Variants in JMY observed in about 807,000 individuals in gnomAD.
JMY encodes junction-mediating and -regulatory protein.
Under a neutral mutation model 103.3 loss-of-function variants are expected in JMY, and 46 were observed. That is an observed-to-expected ratio of 0.45 (90% CI 0.35 to 0.57). JMY has a LOEUF of 0.57. Among genes scored for constraint, JMY ranks in the 20% least tolerant of loss-of-function variants. The pLI, the probability that JMY is intolerant of heterozygous loss-of-function variation, is 0.00. For synonymous variants in JMY, 526 were observed against 489.3 expected, an observed-to-expected ratio of 1.07 and a Z score of -0.99; for missense variants, 1,238 against 1,255.2, an observed-to-expected ratio of 0.99 and a Z score of 0.21.
At chr5:79,287,007 C>T (rs572372403) in intron 2 of JMY, among the ~76,000 whole-genome samples, 2 of 152,048 alleles carry the variant, frequency 1.3e-5, no homozygotes, top group Non-Finnish European at 2.9e-5. Flanking sequence ...AGAGGAGGAA[C>T]CCCGTGGAGC....
At chr5:79,313,420 AAAAC>A (rs984728849) in intron 8 of JMY, among the ~76,000 whole-genome samples, 2 of 152,150 alleles carry the variant, frequency 1.3e-5, no homozygotes, top group South Asian at 2.1e-4. Flanking sequence ...CCCTGTCTCA[AAAAC>A]AAACAAACAA....
intron 10 of JMY, among the ~76,000 whole-genome samples, chr5:79,320,069 T>C (rs918408814): frequency 6.6e-6 from 1 of 152,138 alleles, no homozygotes; most frequent in African/African-American, 2.4e-5. Flanking sequence ...TGTAATTACA[T>C]AGAGGTTTAA....
chr5:79,292,843 A>C (rs778887432), intron 4 of JMY, among the ~76,000 whole-genome samples: 2 of 152,134 alleles, frequency 1.3e-5, no homozygotes, highest in Non-Finnish European at 2.9e-5. Flanking sequence ...CCATTAATGT[A>C]ATAGTCTGGA....
chr5:79,323,263 T>TTTA lies in JMY; in HGVS notation c.*1664_*1666dup, dbSNP rs1747522665. The TTTA allele has an allele frequency of 6.6e-6, 1 of 152,216 alleles. No homozygotes were observed. Among genetic ancestry groups the TTTA allele is most frequent in the Non-Finnish European group, 1.5e-5 (1 of 68,032 alleles). 9.4% of individuals were successfully genotyped at this position (152,216 alleles called of 1,614,324 possible). ...CTCTGTGCCCAGCCTGACAAAATCTTTTATTTATTTAAATGTTAGTAATAC... is the reference window on the plus strand; with the variant it reads ...CTCTGTGCCCAGCCTGACAAAATCTTTTATTATTTATTTAAATGTTAGTAATAC... On this transcript the variant is annotated 3_prime_UTR_variant, in exon 11 of 11. Coordinates refer to ENST00000396137, the MANE Select transcript of JMY (RefSeq NM_152405.5).
chr5:79,267,768 GCTTATCC>G (rs1347571806), intron 1 of JMY, among the ~76,000 whole-genome samples: 1 of 152,142 alleles, frequency 6.6e-6, no homozygotes, highest in Non-Finnish European at 1.5e-5. Context: ...ACTACAATTT[GCTTATCC>G]ATTCACCTGT....
At chr5:79,258,807 C>A (rs1200231982) in intron 1 of JMY, among the ~76,000 whole-genome samples, 1 of 152,144 alleles carries the variant, frequency 6.6e-6, no homozygotes, top group Non-Finnish European at 1.5e-5. Context: ...GGTCTGGGCT[C>A]CCCAGAGGGC....
chr5:79,314,477 C>T lies in JMY; in HGVS notation c.2285C>T (p.Ser762Leu), dbSNP rs2112119852. 1 of 1,614,172 alleles carries T rather than the reference C, an allele frequency of 6.2e-7. No homozygotes were observed. The highest frequency in any genetic ancestry group is 2.2e-5 in the East Asian group (1 of 44,888). Residue 762 changes from serine (S) to leucine (L), a missense_variant, in exon 9 of 11, where the codon TCA becomes TTA. By Grantham distance (145) the Ser-to-Leu change is moderately radical. Coordinates refer to ENST00000396137, the MANE Select transcript of JMY (RefSeq NM_152405.5). ...PQSLVQLEDTSLTQLEATSLP... is the reference protein window; with the variant it reads ...PQSLVQLEDTLLTQLEATSLP... ...AGCCTTGTGCAACTTGAAGATACTT[C>T]ATTAACACAACTTGAAGCCACCTCA...
intron 9 of JMY, among the ~76,000 whole-genome samples, chr5:79,315,656 C>T (rs1259727738): frequency 6.6e-6 from 1 of 152,166 alleles, no homozygotes; most frequent in Non-Finnish European, 1.5e-5. Flanking sequence ...CCCCATCACT[C>T]TGAATTTGGG....
In JMY at chr5:79,307,031, C is replaced by G. The variant is rs183016729; in HGVS notation, c.1968+570C>G. Among the ~76,000 whole-genome samples, 261 of 152,294 alleles carry G rather than the reference C, an allele frequency of 1.7e-3. 1 individual carries two copies. Among genetic ancestry groups the G allele is most frequent in the African/African-American group, 3.0e-3 (125 of 41,552 alleles). The stretch of plus-strand genomic sequence containing the variant: ...ACAGTATGTAACCTATTCAGTTGGC[C>G]TCTTTAACATAGTAACGTGCATTTA... On this transcript the variant is annotated intron_variant, in intron 7 of 10. Transcript: ENST00000396137.
chr5:79,268,548 C>T (rs370410579), intron 1 of JMY, among the ~76,000 whole-genome samples: 5 of 152,018 alleles, frequency 3.3e-5, no homozygotes, highest in South Asian at 2.1e-4. Flanking sequence ...AGTGTGATGG[C>T]GTGATCTCGG....
chr5:79,273,885 C>T (rs1439080041), intron 1 of JMY, among the ~76,000 whole-genome samples: 1 of 152,072 alleles, frequency 6.6e-6, no homozygotes, highest in African/African-American at 2.4e-5. Flanking sequence ...TCCTGGAGTG[C>T]AATGGCGCTA....
At chr5:79,318,878 G>C (rs934582130) in intron 10 of JMY, among the ~76,000 whole-genome samples, 7 of 151,870 alleles carry the variant, frequency 4.6e-5, no homozygotes, top group Non-Finnish European at 8.8e-5. Context: ...GTGGATATTT[G>C]TAGGTTGTCT....
intron 1 of JMY, among the ~76,000 whole-genome samples, chr5:79,243,070 G>A (rs1580324400): frequency 6.6e-6 from 1 of 152,192 alleles, no homozygotes; most frequent in East Asian, 1.9e-4. Flanking sequence ...TTATGTTAGA[G>A]AAGAGTGCCC....
intron 4 of JMY, among the ~76,000 whole-genome samples, chr5:79,293,647 A>G (rs1301912095): frequency 6.6e-6 from 1 of 152,192 alleles, no homozygotes; most frequent in African/African-American, 2.4e-5. Context: ...AGTAATGTAC[A>G]TATATATGCA....
In JMY at chr5:79,236,946, T is replaced by G; in HGVS notation, c.296T>G (p.Val99Gly). The G allele has an allele frequency of 6.9e-7, 1 of 1,445,950 alleles. No homozygotes were observed. Among genetic ancestry groups the G allele is most frequent in the Non-Finnish European group, 9.1e-7 (1 of 1,102,520 alleles). The allele number at this position is 1,445,950 out of a possible 1,614,324, so 89.6% of individuals were successfully genotyped here. Residue 99 changes from valine to glycine, a missense_variant, in exon 1 of 11, where the codon GTT (valine) becomes GGT (glycine). Physicochemically the swap from Val to Gly is moderately radical, Grantham distance 109. Transcript: ENST00000396137. ...RPEATASATL[V>G]RSPGPRRSSA... ...GAGGCCACTGCCTCTGCAACTCTGG[T>G]TAGGAGCCCCGGGCCCCGGCGGAGC...
intron 6 of JMY, among the ~76,000 whole-genome samples, chr5:79,303,551 A>G (rs995096491): frequency 3.3e-5 from 5 of 152,232 alleles, no homozygotes; most frequent in Admixed American, 3.3e-4. Flanking sequence ...GGCACAGGCT[A>G]TGAAAGACTG....
At position 79,306,643 on chromosome 5, in the gene JMY, C is replaced by T. The variant is rs755885723; in HGVS notation, c.1968+182C>T. On this transcript the variant is annotated intron_variant, in intron 7 of 10. Coordinates refer to ENST00000396137, the MANE Select transcript of JMY (RefSeq NM_152405.5). ...ATACAGAGTTCCTATACCCTCAACC[C>T]GCACACGTAGCCTCCCCTACCGTCA... Among the ~76,000 whole-genome samples, 25 of 152,076 alleles carry T rather than the reference C, an allele frequency of 1.6e-4. 1 individual carries two copies. The highest frequency in any genetic ancestry group is 1.2e-3 in the Admixed American group (19 of 15,262).
At chr5:79,259,894 C>T (rs551298338) in intron 1 of JMY, among the ~76,000 whole-genome samples, 7 of 152,334 alleles carry the variant, frequency 4.6e-5, no homozygotes, top group African/African-American at 1.4e-4. Context: ...GCTGTAGCCA[C>T]CCCTGGGAGG....
intron 2 of JMY, among the ~76,000 whole-genome samples, chr5:79,278,585 C>CAAAAAAAAA (rs34278536): frequency 7.9e-4 from 45 of 57,258 alleles, no homozygotes; most frequent in Non-Finnish European, 9.8e-4. Context: ...CCCGTCTCTA[C>CAAAAAAAAA]AAAAAAAAAA....
Sources: gnomAD v4.1 joint callset for allele counts (sites outside exome capture counted in the v4.1 genomes callset) on GRCh38, gnomAD v4.1.1 for gene constraint, MANE v1.5 for transcripts, NCBI Gene and HGNC (gene_info 2026-07-23, HGNC 2026-07-21) for gene names.